The following SLC18A2 variants were observed in gnomAD, a reference collection of about 807,000 sequenced individuals.
The protein encoded by SLC18A2 is solute carrier family 18 member A2, also known as synaptic vesicular amine transporter.
In SLC18A2, 33 loss-of-function variants were observed where a neutral mutation model predicts 59.2. The observed-to-expected ratio is 0.56, with a 90% CI of 0.42 to 0.75. The LOEUF (loss-of-function observed/expected upper bound fraction) is 0.75, where lower values mean the gene tolerates loss of function less well. Among genes scored for constraint, SLC18A2 ranks in the 30% least tolerant of loss-of-function variants. The probability of loss-of-function intolerance (pLI) is 0.00; values close to 1 mark genes in which losing one functional copy is unlikely to be tolerated. For synonymous variants in SLC18A2, 228 were observed against 253.5 expected, an observed-to-expected ratio of 0.90 and a Z score of 0.95; for missense variants, 569 against 668.6, an observed-to-expected ratio of 0.85 and a Z score of 1.64.
chr10:117,250,936 G>A (rs990646543), intron 3 of SLC18A2, among the ~76,000 whole-genome samples: 3 of 152,280 alleles, frequency 2.0e-5, no homozygotes, highest in Middle Eastern at 3.4e-3. Flanking sequence ...GTGGTTTGGG[G>A]GCCACAGACA....
intron 3 of SLC18A2, among the ~76,000 whole-genome samples, chr10:117,249,215 T>C (rs1316185974): frequency 6.6e-6 from 1 of 152,170 alleles, no homozygotes; most frequent in African/African-American, 2.4e-5. Context: ...AGGGAGGGCT[T>C]GATGAGTCTT....
chr10:117,268,397 G>A lies in SLC18A2; in HGVS notation c.1186+661G>A, dbSNP rs117903571. The stretch of plus-strand genomic sequence containing the variant: ...AGGACAGATGGTAGAAGGCTGCTGA[G>A]GCTGGGGTAGAACTCAGTATGGTAC... On this transcript the variant is annotated intron_variant, in intron 13 of 15. Transcript: ENST00000644641. The A allele has an allele frequency of 4.4e-3, 678 of 152,476 alleles. 3 individuals are homozygous for A. Among genetic ancestry groups the A allele is most frequent in the Non-Finnish European group, 7.0e-3 (475 of 68,154 alleles). 9.4% of individuals were successfully genotyped at this position (152,476 alleles called of 1,614,324 possible). A position where few individuals can be genotyped will look rare whatever the true frequency, so the allele number is the denominator to read the frequency against.
intron 10 of SLC18A2, among the ~76,000 whole-genome samples, chr10:117,265,233 A>G (rs983943582): frequency 2.5e-4 from 38 of 152,182 alleles, no homozygotes; most frequent in African/African-American, 8.4e-4. Context: ...GGAGCCATTT[A>G]TTTGGAAGTC....
At chr10:117,257,719 T>A in intron 9 of SLC18A2, 78 bp from the exon 10 acceptor site, 1 of 821,598 alleles carries the variant, frequency 1.2e-6, no homozygotes. Context: ...ATCTGAGCTG[T>A]AGGCGCATGG....
rs2240779 is a variant in SLC18A2, at chr10:117,243,797, C to G, written c.122-174C>G. ...GAGAGGGTTTCTCCATGTTGGCCAGCCTGGTCTCGAACTCCTGACCTCAGG... is the reference window on the plus strand; with the variant it reads ...GAGAGGGTTTCTCCATGTTGGCCAGGCTGGTCTCGAACTCCTGACCTCAGG... On this transcript the variant is annotated intron_variant, in intron 2 of 15. Coordinates refer to ENST00000644641, the MANE Select transcript of SLC18A2 (RefSeq NM_003054.6). Among the ~76,000 whole-genome samples the G allele has an allele frequency of 0.071, 10,854 of 152,020 alleles. 580 individuals are homozygous for G. Among genetic ancestry groups the G allele is most frequent in the Admixed American group, 0.16 (2,442 of 15,264 alleles).
intron 3 of SLC18A2, among the ~76,000 whole-genome samples, chr10:117,249,836 C>G (rs1279373356): frequency 1.0e-5 from 1 of 95,842 alleles, no homozygotes; most frequent in Non-Finnish European, 2.8e-5. Flanking sequence ...TAGTCTTACT[C>G]AAATTGGATT....
intron 10 of SLC18A2, 137 bp from the exon 11 acceptor site, chr10:117,266,596 A>C (rs1435455736): frequency 2.9e-6 from 2 of 680,730 alleles, no homozygotes; most frequent in Non-Finnish European, 2.5e-6. Context: ...CAGGCGCCGG[A>C]TATTAGCTGC....
chr10:117,273,401 T>C (rs1462010052), intron 15 of SLC18A2, among the ~76,000 whole-genome samples: 1 of 152,232 alleles, frequency 6.6e-6, no homozygotes, highest in Non-Finnish European at 1.5e-5. Flanking sequence ...TGAAGAATTA[T>C]TTTTAAAGAC....
chr10:117,266,054 C>T (rs1256508211), intron 10 of SLC18A2, among the ~76,000 whole-genome samples: 1 of 138,792 alleles, frequency 7.2e-6, no homozygotes, highest in Admixed American at 8.0e-5. Context: ...CGTGCCGCTG[C>T]ACTCCAGCCT....
At chr10:117,262,137 C>T (rs1282630138) in intron 10 of SLC18A2, among the ~76,000 whole-genome samples, 1 of 152,158 alleles carries the variant, frequency 6.6e-6, no homozygotes, top group Non-Finnish European at 1.5e-5. Context: ...GAACTCCTGA[C>T]TTCGTGATCC....
At chr10:117,252,406 C>A (rs1007681146) in intron 3 of SLC18A2, among the ~76,000 whole-genome samples, 1 of 151,980 alleles carries the variant, frequency 6.6e-6, no homozygotes, top group Non-Finnish European at 1.5e-5. Flanking sequence ...TCCTGAGGGT[C>A]CAGAGCTAGA....
At chr10:117,247,809 T>C (rs143578903) in intron 3 of SLC18A2, among the ~76,000 whole-genome samples, 120 of 152,308 alleles carry the variant, frequency 7.9e-4, no homozygotes, top group African/African-American at 2.8e-3. Flanking sequence ...TGGGCAGAGC[T>C]ATTCTTTTCC....
At position 117,244,138 on chromosome 10, in the gene SLC18A2, A is replaced by C; in HGVS notation, c.289A>C (p.Thr97Pro). 6.2e-7 allele frequency: 1 copy of C among 1,614,196 alleles called. No individual in the cohort carries two copies. ...MVTGNATRDLTLHQTATQHMV... is the reference protein window; with the variant it reads ...MVTGNATRDLPLHQTATQHMV... Reference sequence around the variant, plus strand: ...CACCGGGAATGCTACCAGAGACCTGACACTTCATCAGACCGCCACACAGCA... The same window carrying C: ...CACCGGGAATGCTACCAGAGACCTGCCACTTCATCAGACCGCCACACAGCA... The change falls in exon 3 of 16, where the codon ACA becomes CCA. Residue 97 changes from threonine to proline, a missense_variant. Around this residue, in one of 2 missense-constraint regions of SLC18A2, gnomAD observed 377 missense variants for 389.8 expected, o/e 0.97. Coordinates refer to ENST00000644641, the MANE Select transcript of SLC18A2 (RefSeq NM_003054.6).
intron 15 of SLC18A2, among the ~76,000 whole-genome samples, chr10:117,272,858 G>A (rs1221927352): frequency 2.0e-5 from 3 of 152,262 alleles, no homozygotes; most frequent in African/African-American, 7.2e-5. Flanking sequence ...GGAAGCCAGC[G>A]GTGGCGGCCG....
intron 9 of SLC18A2, among the ~76,000 whole-genome samples, chr10:117,257,558 G>A (rs1373461032): frequency 6.6e-6 from 1 of 152,138 alleles, no homozygotes; most frequent in Non-Finnish European, 1.5e-5. Flanking sequence ...GAACTCTAGG[G>A]CTGCCTCCAG....
intron 10 of SLC18A2, among the ~76,000 whole-genome samples, chr10:117,260,338 G>A (rs1332880599): frequency 6.6e-6 from 1 of 152,224 alleles, no homozygotes; most frequent in African/African-American, 2.4e-5. Context: ...CGAAGCTTCA[G>A]TTCCTTTCTG....
chr10:117,271,228 A>G (rs1034228234), intron 15 of SLC18A2, among the ~76,000 whole-genome samples: 1 of 152,216 alleles, frequency 6.6e-6, no homozygotes, highest in Non-Finnish European at 1.5e-5. Flanking sequence ...AGGTGAAAGG[A>G]GAGTGTCTTG....
Position 117,267,612 on chromosome 10 carries a change from C to A in SLC18A2, c.1123-61C>A, listed in dbSNP as rs363228. 0.85 allele frequency: 1,091,994 copies of A among 1,283,238 alleles called. 468,389 individuals carry two copies. Among genetic ancestry groups the A allele is most frequent in the Non-Finnish European group, 0.89 (801,109 of 904,426 alleles). The allele number at this position is 1,283,238 out of a possible 1,614,324, so 79.5% of individuals were successfully genotyped here. On this transcript the variant is annotated intron_variant, in intron 12 of 15. Transcript: ENST00000644641. ...AGAGAAAACACAAGTTCAAGACTTT[C>A]CGAGATGATTTAGAGTTGGATCTCT...
At chr10:117,273,515 A>T (rs1844450606) in intron 15 of SLC18A2, among the ~76,000 whole-genome samples, 1 of 152,200 alleles carries the variant, frequency 6.6e-6, no homozygotes, top group African/African-American at 2.4e-5. Context: ...TGGCTCTGAT[A>T]GTTGTTCCAT....
Sources: allele counts gnomAD v4.1 joint callset (sites outside exome capture counted in the v4.1 genomes callset), GRCh38; gene constraint gnomAD v4.1.1; regional missense constraint gnomAD v4.1.1; transcripts MANE v1.5; gene names NCBI Gene and HGNC (gene_info 2026-07-23, HGNC 2026-07-21).